The following CSMD1 variants were observed in gnomAD, a reference collection of about 807,000 sequenced individuals.
The protein encoded by CSMD1 is CUB and sushi domain-containing protein 1.
Under a neutral mutation model 417.5 loss-of-function variants are expected in CSMD1, and 213 were observed. The ratio of observed to expected loss-of-function variants is 0.51; its 90% CI spans 0.46 to 0.57. The LOEUF is 0.57. Among genes scored for constraint, CSMD1 ranks in the 20% least tolerant of loss-of-function variants. The probability of loss-of-function intolerance (pLI) is 0.00; values close to 1 mark genes in which losing one functional copy is unlikely to be tolerated. For synonymous variants in CSMD1, 2,862 were observed against 1,736.8 expected, an observed-to-expected ratio of 1.65 and a Z score of -16.11; for missense variants, 6,923 against 4,529.7, an observed-to-expected ratio of 1.53 and a Z score of -15.17.
At chr8:3,562,363 C>A (rs1231542190) in intron 10 of CSMD1, among the ~76,000 whole-genome samples, 2 of 152,080 alleles carry the variant, frequency 1.3e-5, no homozygotes, top group East Asian at 3.8e-4. Flanking sequence ...TAATGGGACA[C>A]ACACACACAT....
chr8:3,616,606 T>C, intron 8 of CSMD1, 104 bp downstream of exon 8: 1 of 731,832 alleles, frequency 1.4e-6, no homozygotes, highest in East Asian at 2.7e-5. Context: ...TAAGAAGTTT[T>C]ATCTTTACCT....
intron 69 of CSMD1, among the ~76,000 whole-genome samples, chr8:2,941,535 C>A (rs1801873451): frequency 6.6e-6 from 1 of 152,090 alleles, no homozygotes; most frequent in African/African-American, 2.4e-5. Flanking sequence ...AATGTATTAT[C>A]CATATATGGA....
intron 1 of CSMD1, among the ~76,000 whole-genome samples, chr8:4,733,232 C>A (rs1810017272): frequency 6.6e-6 from 1 of 152,132 alleles, no homozygotes; most frequent in Admixed American, 6.6e-5. Context: ...TCAAAAAGTT[C>A]ATTTCCTGAA....
intron 3 of CSMD1, among the ~76,000 whole-genome samples, chr8:4,033,238 A>T (rs1425596197): frequency 6.6e-6 from 1 of 151,466 alleles, no homozygotes; most frequent in Non-Finnish European, 1.5e-5. Flanking sequence ...CAAGAGATCG[A>T]GACCATCCTG....
intron 1 of CSMD1, among the ~76,000 whole-genome samples, chr8:4,974,987 C>T: frequency 6.6e-6 from 1 of 152,250 alleles, no homozygotes; most frequent in South Asian, 2.1e-4. Flanking sequence ...ATATGTTAGT[C>T]TGTGAGAAAA....
At position 3,270,522 on chromosome 8, in the gene CSMD1, A is replaced by G. The variant is rs141875417; in HGVS notation, c.4153+13622T>C. On this transcript the variant is annotated intron_variant, in intron 26 of 69. Coordinates refer to ENST00000635120, the MANE Select transcript of CSMD1 (RefSeq NM_033225.6). ...ATAAAACTATTCTGCCTGATTTCCA[A>G]CTGGTATCAAAATTTTAAGTGATCA... 3.2e-3 allele frequency among the ~76,000 whole-genome samples: 480 copies of G among 152,344 alleles called. 4 individuals are homozygous for G. The highest frequency in any genetic ancestry group is 0.011 in the African/African-American group (444 of 41,592).
intron 1 of CSMD1, among the ~76,000 whole-genome samples, chr8:4,944,965 C>G (rs13273154): frequency 7.9e-5 from 12 of 152,040 alleles, no homozygotes; most frequent in Non-Finnish European, 1.6e-4. Flanking sequence ...ACGTGTGTAT[C>G]AGAGCTATTC....
At chr8:3,734,005 T>G (rs556674433) in intron 6 of CSMD1, among the ~76,000 whole-genome samples, 1 of 152,124 alleles carries the variant, frequency 6.6e-6, no homozygotes, top group East Asian at 1.9e-4. Context: ...TGTGCAAGGG[T>G]GTGAGTGTGT....
intron 1 of CSMD1, among the ~76,000 whole-genome samples, chr8:4,942,827 G>C (rs779944094): frequency 6.6e-6 from 1 of 152,218 alleles, no homozygotes; most frequent in Non-Finnish European, 1.5e-5. Flanking sequence ...GATAATAGGT[G>C]TTAACTAATT....
At chr8:4,617,001 T>C (rs554153924) in intron 2 of CSMD1, among the ~76,000 whole-genome samples, 1 of 152,240 alleles carries the variant, frequency 6.6e-6, no homozygotes, top group Non-Finnish European at 1.5e-5. Context: ...TAATATTCCA[T>C]AAGTGATTTC....
At chr8:4,486,244 T>TATAC (rs1801406068) in intron 2 of CSMD1, among the ~76,000 whole-genome samples, 1 of 40,560 alleles carries the variant, frequency 2.5e-5, no homozygotes, top group African/African-American at 1.4e-4. Context: ...TATATATATA[T>TATAC]ACATACATAT....
At chr8:4,865,090 T>G (rs1421598074) in intron 1 of CSMD1, among the ~76,000 whole-genome samples, 2 of 151,788 alleles carry the variant, frequency 1.3e-5, no homozygotes, top group African/African-American at 4.8e-5. Context: ...GGTTTTCTGT[T>G]ACCTGGATGA....
intron 8 of CSMD1, among the ~76,000 whole-genome samples, chr8:3,610,320 G>A (rs922218748): frequency 6.6e-6 from 1 of 152,130 alleles, no homozygotes; most frequent in Non-Finnish European, 1.5e-5. Flanking sequence ...ACTGCTTGAG[G>A]CCAGGAGTTA....
chr8:3,092,679 G>A (rs1181409532), intron 47 of CSMD1, among the ~76,000 whole-genome samples: 1 of 152,290 alleles, frequency 6.6e-6, no homozygotes, highest in East Asian at 1.9e-4. Context: ...TGAAAGTATA[G>A]GTAAGAAAAG....
At chr8:4,158,748 CG>C (rs1563201765) in intron 3 of CSMD1, among the ~76,000 whole-genome samples, 1 of 152,102 alleles carries the variant, frequency 6.6e-6, no homozygotes, top group Non-Finnish European at 1.5e-5. Flanking sequence ...CCACCATCAT[CG>C]TCACTTGATG....
chr8:4,244,900 A>G (rs1212679040), intron 3 of CSMD1, among the ~76,000 whole-genome samples: 1 of 152,198 alleles, frequency 6.6e-6, no homozygotes, highest in African/African-American at 2.4e-5. Context: ...TATAATGGAG[A>G]TAACAACATT....
rs140909698 is a variant in CSMD1, at chr8:4,847,629, C to T, written c.85+146703G>A. On this transcript the variant is annotated intron_variant, in intron 1 of 69. Transcript: ENST00000635120. ...TCGTTTATCTCTTCCAGGACCCCACCGAGGACCCTGTATAACATTTAGACA... is the reference window on the plus strand; with the variant it reads ...TCGTTTATCTCTTCCAGGACCCCACTGAGGACCCTGTATAACATTTAGACA... 7.6e-3 allele frequency among the ~76,000 whole-genome samples: 1,160 copies of T among 152,156 alleles called. 10 individuals are homozygous for T. Among genetic ancestry groups the T allele is most frequent in the African/African-American group, 0.026 (1,061 of 41,522 alleles).
intron 5 of CSMD1, among the ~76,000 whole-genome samples, chr8:3,983,778 G>C (rs753941998): frequency 2.6e-4 from 40 of 152,236 alleles, no homozygotes; most frequent in Admixed American, 8.5e-4. Context: ...TGCACCTCTA[G>C]AGCACGTCGC....
intron 2 of CSMD1, among the ~76,000 whole-genome samples, chr8:4,463,077 A>T (rs77622052): frequency 0.096 from 14,646 of 152,274 alleles, 902 homozygotes; most frequent in Non-Finnish European, 0.14. Context: ...ATACATAAAG[A>T]TCTCTTAAAA....
Sources: allele counts gnomAD v4.1 joint callset (sites outside exome capture counted in the v4.1 genomes callset), GRCh38; gene constraint gnomAD v4.1.1; transcripts MANE v1.5; gene names NCBI Gene and HGNC (gene_info 2026-07-23, HGNC 2026-07-21).